SMAD5: variants seen among roughly 807,000 people sequenced by gnomAD.
SMAD5 encodes the protein MAD, mothers against decapentaplegic homolog 5.
In SMAD5, 9 loss-of-function variants were observed where a neutral mutation model predicts 43.1. The observed-to-expected ratio is 0.21, with a 90% CI of 0.13 to 0.36. The LOEUF (loss-of-function observed/expected upper bound fraction) is 0.36, where lower values mean the gene tolerates loss of function less well. Among genes scored for constraint, SMAD5 ranks in the 10% least tolerant of loss-of-function variants. SMAD5 has a pLI of 1.00. For missense variants in SMAD5, 348 were observed against 574.0 expected (o/e 0.61, Z 4.02); for synonymous variants, 190 against 192.4 (o/e 0.99, Z 0.10).
chr5:136,136,011 C>G (rs1245056923), intron 1 of SMAD5, among the ~76,000 whole-genome samples: 1 of 152,126 alleles, frequency 6.6e-6, no homozygotes, highest in Non-Finnish European at 1.5e-5. Context: ...TACTAGTAGC[C>G]TGAGGAATGA....
chr5:136,165,433 A>C (rs1753964946), intron 5 of SMAD5, among the ~76,000 whole-genome samples: 1 of 151,860 alleles, frequency 6.6e-6, no homozygotes, highest in Non-Finnish European at 1.5e-5. Context: ...TTACCATCTT[A>C]ACTATTTTTA....
intron 5 of SMAD5, among the ~76,000 whole-genome samples, chr5:136,169,858 C>T (rs1754151682): frequency 6.6e-6 from 1 of 152,120 alleles, no homozygotes; most frequent in Non-Finnish European, 1.5e-5. Flanking sequence ...TTTGCAATTC[C>T]TTAATGACAT....
At chr5:136,157,481 G>A (rs536213800) in intron 3 of SMAD5, among the ~76,000 whole-genome samples, 30 of 152,248 alleles carry the variant, frequency 2.0e-4, no homozygotes, top group African/African-American at 6.3e-4. Context: ...AATATGTAAT[G>A]AAATAATTAT....
At chr5:136,149,884 C>G (rs1354700798) in intron 2 of SMAD5, among the ~76,000 whole-genome samples, 2 of 151,808 alleles carry the variant, frequency 1.3e-5, no homozygotes, top group Non-Finnish European at 2.9e-5. Flanking sequence ...AGTAAGAGTT[C>G]TAGGTTTTTA....
chr5:136,139,545 T>C (rs1753001769), intron 1 of SMAD5, among the ~76,000 whole-genome samples: 1 of 152,136 alleles, frequency 6.6e-6, no homozygotes, highest in South Asian at 2.1e-4. Context: ...CTTTCATATG[T>C]CTGCTGCTCA....
intron 1 of SMAD5, among the ~76,000 whole-genome samples, chr5:136,146,417 G>T (rs1317582923): frequency 6.6e-6 from 1 of 151,688 alleles, no homozygotes; most frequent in Admixed American, 6.6e-5. Context: ...TTGAAGATAG[G>T]TGTTCTCAGT....
chr5:136,140,059 G>C (rs990584874), intron 1 of SMAD5, among the ~76,000 whole-genome samples: 1 of 128,018 alleles, frequency 7.8e-6, no homozygotes, highest in African/African-American at 3.0e-5. Context: ...GTCTAGCTTT[G>C]TTGGCCAGGC....
At chr5:136,163,942 A>T (rs996187521) in intron 5 of SMAD5, among the ~76,000 whole-genome samples, 13 of 152,184 alleles carry the variant, frequency 8.5e-5, no homozygotes, top group Admixed American at 5.2e-4. Flanking sequence ...GCACTTTGGG[A>T]GGCCAAGGCG....
At chr5:136,139,815 C>T (rs1270171544) in intron 1 of SMAD5, among the ~76,000 whole-genome samples, 1 of 152,130 alleles carries the variant, frequency 6.6e-6, no homozygotes. Flanking sequence ...CCCACCTCAG[C>T]CTCCTAAGTA....
At chr5:136,146,098 A>G (rs1240691063) in intron 1 of SMAD5, among the ~76,000 whole-genome samples, 2 of 151,700 alleles carry the variant, frequency 1.3e-5, no homozygotes, top group Non-Finnish European at 2.9e-5. Context: ...TTATATTTCA[A>G]CTCTTTATTA....
Position 136,163,252 on chromosome 5 carries a change from AT to A in SMAD5, c.656-18del, listed in dbSNP as rs1753882637. On this transcript the variant is annotated intron_variant, in intron 4 of 7. Coordinates refer to ENST00000545279, the MANE Select transcript of SMAD5 (RefSeq NM_005903.7). The stretch of plus-strand genomic sequence containing the variant: ...TTTGAGCAGAATGAAGATTTTAATT[AT>A]TATTTTTTTTCCTCTTAGCTGATAC... The A allele has an allele frequency of 1.6e-5, 25 of 1,564,294 alleles. No individual in the cohort carries two copies. Among genetic ancestry groups the A allele is most frequent in the Non-Finnish European group, 2.2e-5 (25 of 1,162,268 alleles).
At chr5:136,159,643 G>A (rs985537822) in intron 3 of SMAD5, among the ~76,000 whole-genome samples, 6 of 133,572 alleles carry the variant, frequency 4.5e-5, no homozygotes, top group Admixed American at 4.3e-4. Context: ...AATTCTTGCT[G>A]CCTAATGCCC....
At chr5:136,136,207 T>C (rs938481242) in intron 1 of SMAD5, among the ~76,000 whole-genome samples, 7 of 152,220 alleles carry the variant, frequency 4.6e-5, no homozygotes, top group Non-Finnish European at 1.0e-4. Context: ...CACTGGGTTC[T>C]AGCTCTGTCG....
chr5:136,163,187 G>A, intron 4 of SMAD5, 85 bp from the exon 5 acceptor site: 2 of 1,182,664 alleles, frequency 1.7e-6, no homozygotes, highest in East Asian at 2.6e-5. Context: ...GAAGCTTGCT[G>A]GTAATCTTAA....
intron 1 of SMAD5, among the ~76,000 whole-genome samples, chr5:136,141,373 T>G (rs1296938729): frequency 2.0e-5 from 3 of 152,196 alleles, no homozygotes. Flanking sequence ...CTGGATTACA[T>G]GCCCTTTCTC....
chr5:136,153,480 T>G (rs1753533961), intron 2 of SMAD5, 112 bp from the exon 3 acceptor site: 1 of 254,486 alleles, frequency 3.9e-6, no homozygotes. Context: ...TTGTTTACTT[T>G]GTAATGCTTT....
Position 136,179,452 on chromosome 5 carries a change from T to C in SMAD5, c.*1972T>C, listed in dbSNP as rs1319501514. The C allele has an allele frequency of 3.9e-5, 6 of 152,326 alleles. No individual in the cohort carries two copies. Among genetic ancestry groups the C allele is most frequent in the Admixed American group, 6.6e-5 (1 of 15,260 alleles). The allele number at this position is 152,326 out of a possible 1,614,324, so 9.4% of individuals were successfully genotyped here. ...TTTGGTTTGACTTTCCACTTTGTCCTTTCTGCTCTTGTGAAGAAAAAAAAA... is the reference window on the plus strand; with the variant it reads ...TTTGGTTTGACTTTCCACTTTGTCCCTTCTGCTCTTGTGAAGAAAAAAAAA... On this transcript the variant is annotated 3_prime_UTR_variant, in exon 8 of 8. Coordinates refer to ENST00000545279, the MANE Select transcript of SMAD5 (RefSeq NM_005903.7).
chr5:136,152,286 A>G (rs1753497457), intron 2 of SMAD5, among the ~76,000 whole-genome samples: 2 of 152,160 alleles, frequency 1.3e-5, no homozygotes, highest in South Asian at 4.1e-4. Context: ...CCTACTTGGC[A>G]TAACTTTTTT....
chr5:136,147,143 A>G (rs988087609), intron 1 of SMAD5, among the ~76,000 whole-genome samples: 1 of 151,726 alleles, frequency 6.6e-6, no homozygotes, highest in Non-Finnish European at 1.5e-5. Context: ...ATTGTGTTCC[A>G]GTAATAAGTG....
Sources: allele counts gnomAD v4.1 joint callset (sites outside exome capture counted in the v4.1 genomes callset), GRCh38; gene constraint gnomAD v4.1.1; transcripts MANE v1.5; gene names NCBI Gene and HGNC (gene_info 2026-07-23, HGNC 2026-07-21).